Variants in UGGT1 observed in about 807,000 individuals in gnomAD.
UGGT1 encodes the protein UDP-glucose:glycoprotein glucosyltransferase 1.
Under a neutral mutation model 203.9 loss-of-function variants are expected in UGGT1, and 107 were observed. That is an observed-to-expected ratio of 0.52 (90% CI 0.45 to 0.62). The LOEUF (loss-of-function observed/expected upper bound fraction) is 0.62, where lower values mean the gene tolerates loss of function less well. UGGT1 is among the 20% of genes least tolerant of loss of function. The pLI is 0.00. For synonymous variants in UGGT1, 628 were observed against 653.5 expected, an observed-to-expected ratio of 0.96 and a Z score of 0.59; for missense variants, 1,673 against 1,867.2, an observed-to-expected ratio of 0.90 and a Z score of 1.92.
In UGGT1 at chr2:128,134,809, A is replaced by G. The variant is rs1190403793; in HGVS notation, c.1498-67A>G. The G allele has an allele frequency of 2.7e-6, 4 of 1,457,366 alleles. No homozygotes were observed. The Admixed American group carries it at 6.9e-5, about 25-fold the overall frequency. 90.3% of individuals were successfully genotyped at this position (1,457,366 alleles called of 1,614,324 possible). A position where few individuals can be genotyped will look rare whatever the true frequency, so the allele number is the denominator to read the frequency against. ...GGCTTCATGTACAGTGACTCATAAC[A>G]TTTTTCTCGGCCCACAGATACTTGA... On this transcript the variant is annotated intron_variant, in intron 14 of 40. Transcript: ENST00000259253.
chr2:128,123,037 A>G, intron 10 of UGGT1, 149 bp from the exon 11 acceptor site: 1 of 544,502 alleles, frequency 1.8e-6, no homozygotes, highest in Non-Finnish European at 3.2e-6. Flanking sequence ...GAAAGGAGAA[A>G]TATATTTATC....
intron 13 of UGGT1, among the ~76,000 whole-genome samples, chr2:128,130,565 C>A (rs186761548): frequency 2.6e-5 from 4 of 152,156 alleles, no homozygotes; most frequent in African/African-American, 9.6e-5. Context: ...CATAAAGGGA[C>A]TAACAACCAT....
chr2:128,091,429 G>A lies in UGGT1; in HGVS notation c.58+14G>A, dbSNP rs1243506830. On this transcript the variant is annotated intron_variant, in intron 1 of 40. Transcript: ENST00000259253. ...TGCCGGTGACAGGTACCCAGGGGTG[G>A]CGTGAGGAGGCCTCGTGGACAAAGA... is the stretch of plus-strand genomic sequence containing the variant. 1 of 1,575,660 alleles carries A rather than the reference G, an allele frequency of 6.3e-7. No individual in the cohort carries two copies. The highest frequency in any genetic ancestry group is 1.2e-5 in the South Asian group (1 of 85,946).
At position 128,194,153 on chromosome 2, in the gene UGGT1, T is replaced by A. The variant is rs1692408838; in HGVS notation, c.*4411T>A. 2 of 152,394 alleles carry A rather than the reference T, an allele frequency of 1.3e-5. No homozygotes were observed. The highest frequency in any genetic ancestry group is 4.1e-4 in the South Asian group (2 of 4,830). 9.4% of individuals were successfully genotyped at this position (152,394 alleles called of 1,614,324 possible). A position where few individuals can be genotyped will look rare whatever the true frequency, so the allele number is the denominator to read the frequency against. On this transcript the variant is annotated 3_prime_UTR_variant, in exon 41 of 41. Transcript: ENST00000259253. ...TGTTGCCCAGGGTGGAGTACAATGGTGTGACCTTGGCTCACTGCAACCTCT... is the reference window on the plus strand; with the variant it reads ...TGTTGCCCAGGGTGGAGTACAATGGAGTGACCTTGGCTCACTGCAACCTCT...
At chr2:128,109,324 C>A (rs966167143) in intron 4 of UGGT1, among the ~76,000 whole-genome samples, 1 of 152,196 alleles carries the variant, frequency 6.6e-6, no homozygotes, top group Non-Finnish European at 1.5e-5. Flanking sequence ...CTACCTCAGC[C>A]TCCTTAGTAG....
intron 1 of UGGT1, among the ~76,000 whole-genome samples, chr2:128,096,098 C>T (rs1259103053): frequency 6.6e-6 from 1 of 152,104 alleles, no homozygotes; most frequent in African/African-American, 2.4e-5. Flanking sequence ...TTTTCTGAAA[C>T]TGTCTGGATG....
chr2:128,129,330 G>A (rs1688765097), intron 13 of UGGT1, 151 bp downstream of exon 13: 3 of 853,264 alleles, frequency 3.5e-6, no homozygotes, highest in Non-Finnish European at 5.0e-6. Flanking sequence ...CTTTGTGTAT[G>A]TAATAAAGTA....
rs780490701 is a variant in UGGT1 at position 128,097,506 on chromosome 2, G to A, written c.136G>A (p.Ala46Thr). The change falls in exon 2 of 41, where the codon GCC becomes ACC. Residue 46 changes from alanine (A) to threonine (T), a missense_variant. This residue lies in a region of UGGT1 where 83 missense variants were observed against 87.2 expected (regional missense o/e 0.95). Transcript: ENST00000259253. ...LFSSVKADSK[A>T]ITTSLTTKWF... ...CTCCTCAGTAAAGGCCGACTCAAAA[G>A]CCATTACAACCTCTCTTACAACAAA... The A allele has an allele frequency of 6.2e-7, 1 of 1,614,046 alleles. No individual in the cohort carries two copies. The highest frequency in any genetic ancestry group is 8.5e-7 in the Non-Finnish European group (1 of 1,180,046).
chr2:128,154,201 C>G (rs1156540519), intron 19 of UGGT1, among the ~76,000 whole-genome samples: 1 of 152,078 alleles, frequency 6.6e-6, no homozygotes, highest in Non-Finnish European at 1.5e-5. Context: ...TCCTTTCTTC[C>G]CTGAAGTTTC....
intron 15 of UGGT1, among the ~76,000 whole-genome samples, chr2:128,136,026 A>G (rs1573551746): frequency 1.3e-5 from 2 of 152,308 alleles, no homozygotes; most frequent in South Asian, 2.1e-4. Context: ...CACTAATACA[A>G]TATTTCTTGA....
intron 5 of UGGT1, among the ~76,000 whole-genome samples, chr2:128,110,581 A>T (rs1687801677): frequency 6.6e-6 from 1 of 152,210 alleles, no homozygotes; most frequent in Admixed American, 6.5e-5. Flanking sequence ...TGGCTTTGTA[A>T]TTCTTTTAAA....
At chr2:128,175,995 A>T (rs1057019456) in intron 31 of UGGT1, among the ~76,000 whole-genome samples, 5 of 152,238 alleles carry the variant, frequency 3.3e-5, no homozygotes, top group African/African-American at 1.2e-4. Flanking sequence ...TGCAAATAGA[A>T]TTTGTTACAG....
At chr2:128,124,485 G>A (rs920300271) in intron 11 of UGGT1, among the ~76,000 whole-genome samples, 2 of 152,004 alleles carry the variant, frequency 1.3e-5, no homozygotes, top group African/African-American at 4.8e-5. Context: ...TGTACTGTTA[G>A]GTGGTTCGTG....
intron 16 of UGGT1, 53 bp downstream of exon 16, chr2:128,138,905 A>C (rs1689274421): frequency 6.2e-7 from 1 of 1,606,120 alleles, no homozygotes; most frequent in Admixed American, 1.7e-5. Flanking sequence ...ACTTACTCTT[A>C]ATAACAATGT....
Position 128,133,204 on chromosome 2 carries a change from C to A in UGGT1, c.1441C>A (p.Leu481Ile), listed in dbSNP as rs950615199. 1 of 1,614,082 alleles carries A rather than the reference C, an allele frequency of 6.2e-7. No individual in the cohort carries two copies. Among genetic ancestry groups the A allele is most frequent in the Admixed American group, 1.7e-5 (1 of 60,012 alleles). The change falls in exon 14 of 41, where the codon CTT becomes ATT. Residue 481 changes from leucine to isoleucine, a missense_variant. Coordinates refer to ENST00000259253, the MANE Select transcript of UGGT1 (RefSeq NM_020120.4). ...NSWPSSLQEL[L>I]RPTFPGVIRQ... is the part of the protein sequence containing the mutation. Reference sequence around the variant, plus strand: ...GTGGCCTTCTAGTTTACAAGAGTTGCTTCGACCCACCTTTCCTGGTGTTAT... The same window carrying A: ...GTGGCCTTCTAGTTTACAAGAGTTGATTCGACCCACCTTTCCTGGTGTTAT...
intron 10 of UGGT1, among the ~76,000 whole-genome samples, chr2:128,122,241 G>C (rs1303342455): frequency 2.0e-5 from 3 of 151,418 alleles, no homozygotes; most frequent in Non-Finnish European, 4.4e-5. Context: ...GTGCTCAAAA[G>C]GGGGAAGTGG....
intron 7 of UGGT1, 42 bp from the exon 8 acceptor site, chr2:128,116,223 C>A: frequency 1.5e-6 from 2 of 1,342,116 alleles, no homozygotes; most frequent in East Asian, 2.3e-5. Flanking sequence ...TGTTTCAAAT[C>A]TGAGCAATTA....
intron 2 of UGGT1, among the ~76,000 whole-genome samples, chr2:128,099,900 AGACTGCCTGAGCTG>A (rs1460452546): frequency 3.9e-5 from 6 of 152,206 alleles, no homozygotes; most frequent in East Asian, 1.9e-4. Context: ...AGATATTTTG[AGACTGCCTGAGCTG>A]GACTGCCTGA....
intron 17 of UGGT1, 116 bp from the exon 18 acceptor site, chr2:128,145,687 C>T (rs2105465715): frequency 9.7e-6 from 9 of 927,858 alleles, no homozygotes; most frequent in East Asian, 6.1e-5. Context: ...GTTATTTTTT[C>T]TTTACAATAT....
Sources: allele counts gnomAD v4.1 joint callset (sites outside exome capture counted in the v4.1 genomes callset), GRCh38; gene constraint gnomAD v4.1.1; regional missense constraint gnomAD v4.1.1; transcripts MANE v1.5; gene names NCBI Gene and HGNC (gene_info 2026-07-23, HGNC 2026-07-21).